The following NELL1 variants were observed in gnomAD, a reference collection of about 807,000 sequenced individuals.
NELL1 encodes the protein protein kinase C-binding protein NELL1.
NELL1 carries 76 observed loss-of-function variants against 107.4 expected under a neutral mutation model. The ratio of observed to expected loss-of-function variants is 0.71; its 90% CI spans 0.59 to 0.86. The LOEUF is 0.86. NELL1 is among the 40% of genes least tolerant of loss of function. NELL1 has a pLI of 0.00. For synonymous variants in NELL1, 353 were observed against 341.2 expected (o/e 1.03, Z -0.38); for missense variants, 1,024 against 1,005.5 (o/e 1.02, Z -0.25).
Position 20,947,377 on chromosome 11 carries a change from G to C in NELL1, c.1113G>C (p.Leu371Phe). ...LVKITEMCPP[L>F]NCSEKDHILP... The stretch of plus-strand genomic sequence containing the variant: ...AAATTACAGAAATGTGTCCTCCTTT[G>C]AACTGCTCAGAAAAGGATCACATTC... The change falls in exon 11 of 20, where the codon TTG (leucine) becomes TTC (phenylalanine). Residue 371 changes from leucine (L) to phenylalanine (F), a missense_variant. Coordinates refer to ENST00000357134, the MANE Select transcript of NELL1 (RefSeq NM_006157.5). 6.2e-7 allele frequency: 1 copy of C among 1,614,008 alleles called. No homozygotes were observed. Among genetic ancestry groups the C allele is most frequent in the Non-Finnish European group, 8.5e-7 (1 of 1,179,950 alleles).
At chr11:21,209,282 AC>A (rs1419445608) in intron 13 of NELL1, among the ~76,000 whole-genome samples, 12 of 147,964 alleles carry the variant, frequency 8.1e-5, no homozygotes, top group South Asian at 2.1e-4. Context: ...ATACATAATT[AC>A]TTCTTAACCC....
At chr11:21,151,686 G>A (rs952561843) in intron 13 of NELL1, among the ~76,000 whole-genome samples, 1 of 152,174 alleles carries the variant, frequency 6.6e-6, no homozygotes, top group Non-Finnish European at 1.5e-5. Flanking sequence ...TCCTAGCATA[G>A]AGTAAGCTCT....
At chr11:21,001,593 G>A (rs1031807368) in intron 12 of NELL1, among the ~76,000 whole-genome samples, 4 of 152,054 alleles carry the variant, frequency 2.6e-5, no homozygotes, top group South Asian at 2.1e-4. Context: ...TGCTGAGACC[G>A]AGCTAGAGGG....
At chr11:20,807,052 T>G (rs990774505) in intron 3 of NELL1, among the ~76,000 whole-genome samples, 9 of 151,714 alleles carry the variant, frequency 5.9e-5, no homozygotes, top group African/African-American at 2.2e-4. Context: ...GTGCATTATT[T>G]AGTTTTTTTT....
intron 13 of NELL1, among the ~76,000 whole-genome samples, chr11:21,205,219 C>G: frequency 6.6e-6 from 1 of 152,160 alleles, no homozygotes; most frequent in South Asian, 2.1e-4. Flanking sequence ...CACAGCCACC[C>G]CTTCTCCCAG....
rs549967637 is a variant in NELL1 at position 20,908,082 on chromosome 11, G to A, written c.604-10100G>A. 3.3e-5 allele frequency among the ~76,000 whole-genome samples: 5 copies of A among 152,252 alleles called. No homozygotes were observed. The South Asian group carries it at 8.3e-4, about 25-fold the overall frequency. ...TCCTGGTGAGGCTGTGGAGAAATAC[G>A]AACATTTTTATGCTATTGGTGGGAA... is the stretch of plus-strand genomic sequence containing the variant. On this transcript the variant is annotated intron_variant, in intron 5 of 19. Coordinates refer to ENST00000357134, the MANE Select transcript of NELL1 (RefSeq NM_006157.5).
intron 2 of NELL1, among the ~76,000 whole-genome samples, chr11:20,700,795 G>A (rs1854759283): frequency 6.6e-6 from 1 of 152,004 alleles, no homozygotes. Context: ...TGCTGAGAAT[G>A]ATGGTTTCCA....
chr11:21,502,762 C>T (rs529837651), intron 15 of NELL1, among the ~76,000 whole-genome samples: 3 of 152,270 alleles, frequency 2.0e-5, no homozygotes, highest in South Asian at 2.1e-4. Context: ...AAAGGTAAAA[C>T]AAATGAAGCA....
At chr11:21,089,977 A>C (rs1854485060) in intron 12 of NELL1, among the ~76,000 whole-genome samples, 1 of 152,178 alleles carries the variant, frequency 6.6e-6, no homozygotes, top group Non-Finnish European at 1.5e-5. Context: ...CTGCCATGGC[A>C]GGCAGTTTCT....
At chr11:21,292,085 G>A (rs534408554) in intron 14 of NELL1, among the ~76,000 whole-genome samples, 1 of 152,248 alleles carries the variant, frequency 6.6e-6, no homozygotes, top group Admixed American at 6.5e-5. Flanking sequence ...GGGCAATGAG[G>A]CAAGAGAAAG....
chr11:21,388,234 C>T (rs1851791413), intron 15 of NELL1, among the ~76,000 whole-genome samples: 4 of 151,692 alleles, frequency 2.6e-5, no homozygotes, highest in South Asian at 2.1e-4. Context: ...ATTTCTACAT[C>T]GGGGCAGTGG....
chr11:20,804,775 T>C (rs1469859256), intron 3 of NELL1, among the ~76,000 whole-genome samples: 1 of 152,162 alleles, frequency 6.6e-6, no homozygotes, highest in Non-Finnish European at 1.5e-5. Flanking sequence ...GGATGAAATG[T>C]TCTGTAAAAA....
At chr11:21,321,837 A>G (rs778403540) in intron 14 of NELL1, among the ~76,000 whole-genome samples, 24 of 152,208 alleles carry the variant, frequency 1.6e-4, no homozygotes, top group Non-Finnish European at 3.2e-4. Flanking sequence ...ACAGCAGTCA[A>G]CAAAGTGGGC....
At chr11:21,474,223 A>G (rs1854262143) in intron 15 of NELL1, among the ~76,000 whole-genome samples, 2 of 151,808 alleles carry the variant, frequency 1.3e-5, no homozygotes, top group African/African-American at 4.8e-5. Flanking sequence ...TCCTTCCTCA[A>G]AGTTTTTGGA....
chr11:21,273,153 GA>G (rs999085813), intron 14 of NELL1, among the ~76,000 whole-genome samples: 53 of 151,920 alleles, frequency 3.5e-4, no homozygotes, highest in African/African-American at 1.3e-3. Context: ...TAAAAATCTT[GA>G]AAAAAAATTA....
chr11:21,362,418 A>G (rs914346487), intron 14 of NELL1, among the ~76,000 whole-genome samples: 22 of 152,180 alleles, frequency 1.4e-4, no homozygotes, highest in African/African-American at 4.8e-4. Flanking sequence ...AGTAGACTCT[A>G]TGAGGGTCCT....
intron 2 of NELL1, among the ~76,000 whole-genome samples, chr11:20,779,439 G>T (rs1856813606): frequency 6.6e-6 from 1 of 152,102 alleles, no homozygotes; most frequent in South Asian, 2.1e-4. Context: ...CTTCTTATGG[G>T]CTTTATCTGT....
chr11:20,799,233 C>G (rs908839411), intron 3 of NELL1, among the ~76,000 whole-genome samples: 1 of 152,190 alleles, frequency 6.6e-6, no homozygotes, highest in African/African-American at 2.4e-5. Flanking sequence ...GCATTTAAAA[C>G]TTTGTTAGTT....
At chr11:21,357,316 T>C (rs906539156) in intron 14 of NELL1, among the ~76,000 whole-genome samples, 36 of 152,154 alleles carry the variant, frequency 2.4e-4, no homozygotes, top group Admixed American at 2.2e-3. Flanking sequence ...GCCAACATCT[T>C]TATTGTTTTT....
Sources: allele counts gnomAD v4.1 joint callset (sites outside exome capture counted in the v4.1 genomes callset), GRCh38; gene constraint gnomAD v4.1.1; transcripts MANE v1.5; gene names NCBI Gene and HGNC (gene_info 2026-07-23, HGNC 2026-07-21).